The following ANKRD28 variants were observed in gnomAD, a reference collection of about 807,000 sequenced individuals.
The protein encoded by ANKRD28 is ankyrin repeat domain 28, also known as serine/threonine-protein phosphatase 6 regulatory ankyrin repeat subunit A.
In ANKRD28, 44 loss-of-function variants were observed where a neutral mutation model predicts 126.5. The observed-to-expected ratio is 0.35, with a 90% CI of 0.27 to 0.45. The LOEUF is 0.45. ANKRD28 is among the 20% of genes least tolerant of loss of function. The pLI, the probability that ANKRD28 is intolerant of heterozygous loss-of-function variation, is 1.00. For missense variants in ANKRD28, 1,110 were observed against 1,316.6 expected, an observed-to-expected ratio of 0.84 and a Z score of 2.43; for synonymous variants, 442 against 468.5, an observed-to-expected ratio of 0.94 and a Z score of 0.73.
intron 1 of ANKRD28, among the ~76,000 whole-genome samples, chr3:15,827,459 A>T (rs1445817867): frequency 6.6e-6 from 1 of 152,176 alleles, no homozygotes; most frequent in Non-Finnish European, 1.5e-5. Context: ...TCACTGCATT[A>T]ATTTTAGCCC....
In ANKRD28 at chr3:15,796,920, A is replaced by C. The variant is rs184693280; in HGVS notation, c.-399T>G. The C allele has an allele frequency of 1.3e-5, 13 of 986,018 alleles. No homozygotes were observed. The East Asian group carries it at 1.4e-3, about 103-fold the overall frequency. 61.1% of individuals were successfully genotyped at this position (986,018 alleles called of 1,614,324 possible). On this transcript the variant is annotated 5_prime_UTR_variant, in exon 1 of 28. An upstream open reading frame in the 5' UTR gains an earlier in-frame stop. Transcript: ENST00000683139. ...GTTTTTGGTGACACAACACCACACA[A>C]TATAGAATGAAATGAGAAACAACTG...
chr3:15,711,188 A>G, intron 12 of ANKRD28, 23 bp downstream of exon 12: 1 of 1,589,062 alleles, frequency 6.3e-7, no homozygotes, highest in Middle Eastern at 1.7e-4. Context: ...TTTCTTAAAG[A>G]AATAAAAATA....
At chr3:15,803,352 C>T (rs749947254) in intron 1 of ANKRD28, among the ~76,000 whole-genome samples, 45 of 152,226 alleles carry the variant, frequency 3.0e-4, no homozygotes, top group Non-Finnish European at 2.1e-4. Context: ...TGCACGGTGG[C>T]TCACACCTGT....
intron 14 of ANKRD28, among the ~76,000 whole-genome samples, chr3:15,706,138 T>C (rs1228219504): frequency 3.3e-5 from 5 of 151,976 alleles, no homozygotes; most frequent in Non-Finnish European, 4.4e-5. Flanking sequence ...CTGTGCACAA[T>C]ATGCAGGTTT....
At chr3:15,778,704 CACTT>C (rs2059408697) in intron 2 of ANKRD28, among the ~76,000 whole-genome samples, 1 of 152,190 alleles carries the variant, frequency 6.6e-6, no homozygotes, top group Admixed American at 6.5e-5. Flanking sequence ...TAGATAATCT[CACTT>C]ACCTAGAGTC....
chr3:15,776,330 T>C (rs575276367), intron 2 of ANKRD28, among the ~76,000 whole-genome samples: 1 of 152,162 alleles, frequency 6.6e-6, no homozygotes, highest in Non-Finnish European at 1.5e-5. Flanking sequence ...AGTTTACAAA[T>C]AGCTGCATCA....
rs2068084406 is a variant in ANKRD28 at position 15,686,020 on chromosome 3, C to T, written c.2151G>A (p.Arg717=). 1.2e-6 allele frequency: 2 copies of T among 1,613,562 alleles called. No individual in the cohort carries two copies. Among genetic ancestry groups the T allele is most frequent in the Non-Finnish European group, 1.7e-6 (2 of 1,179,748 alleles). The part of the protein sequence containing the change: ...ANVDAKDKWG[R]TALHRGAVTG... ...TGCTTACCCCTCTATGCAACGCTGTCCTTCCCCACTTATCTTTGGCATCTA... is the reference window on the plus strand; with the variant it reads ...TGCTTACCCCTCTATGCAACGCTGTTCTTCCCCACTTATCTTTGGCATCTA... The change falls in exon 20 of 28, where the codon AGG becomes AGA. Residue 717 remains arginine (R), a synonymous_variant. Coordinates refer to ENST00000683139, the MANE Select transcript of ANKRD28 (RefSeq NM_001349278.2).
chr3:15,777,597 TTTA>T (rs1316510001), intron 2 of ANKRD28, among the ~76,000 whole-genome samples: 1 of 152,092 alleles, frequency 6.6e-6, no homozygotes, highest in Non-Finnish European at 1.5e-5. Flanking sequence ...AAATGATGAG[TTTA>T]TTATCTTTTG....
At chr3:15,841,363 A>T (rs1008959159) in intron 1 of ANKRD28, among the ~76,000 whole-genome samples, 5 of 152,180 alleles carry the variant, frequency 3.3e-5, no homozygotes, top group Admixed American at 6.5e-5. Flanking sequence ...TCAAGTTAAA[A>T]AGCTTCTGCA....
At chr3:15,760,586 A>G (rs1484392071) in intron 3 of ANKRD28, among the ~76,000 whole-genome samples, 1 of 152,210 alleles carries the variant, frequency 6.6e-6, no homozygotes, top group Non-Finnish European at 1.5e-5. Context: ...AAACCATCCC[A>G]GAAAATAAGA....
intron 24 of ANKRD28, 137 bp downstream of exon 24, chr3:15,678,072 T>C (rs2067140312): frequency 1.2e-6 from 1 of 840,330 alleles, no homozygotes; most frequent in African/African-American, 1.7e-5. Flanking sequence ...AATGAAAATG[T>C]GGATTGCAAA....
chr3:15,675,974 A>T lies in ANKRD28; in HGVS notation c.2889T>A (p.Ala963=). ...NAALQTPLHV[A]ARNGLTMVVQ... The stretch of plus-strand genomic sequence containing the variant: ...CCACCATTGTTAGCCCATTTCGGGC[A>T]GCAACATGCAGAGGTCTAGGGGAAA... The change falls in exon 27 of 28, where the codon GCT becomes GCA. Residue 963 remains alanine (A), a synonymous_variant. Coordinates refer to ENST00000683139, the MANE Select transcript of ANKRD28 (RefSeq NM_001349278.2). 6.2e-7 allele frequency: 1 copy of T among 1,612,944 alleles called. No homozygotes were observed. Among genetic ancestry groups the T allele is most frequent in the South Asian group, 1.1e-5 (1 of 91,008 alleles).
intron 2 of ANKRD28, among the ~76,000 whole-genome samples, chr3:15,778,059 A>AT (rs372030621): frequency 7.9e-5 from 12 of 152,324 alleles, no homozygotes; most frequent in African/African-American, 2.6e-4. Context: ...CGTATCATAC[A>AT]TAAGTATCTT....
rs951808632 is a variant in ANKRD28 at position 15,669,363 on chromosome 3, C to G, written c.*907G>C. 4.6e-5 allele frequency: 7 copies of G among 152,152 alleles called. No homozygotes were observed. Among genetic ancestry groups the G allele is most frequent in the African/African-American group, 1.7e-4 (7 of 41,448 alleles). The allele number at this position is 152,152 out of a possible 1,614,324, so 9.4% of individuals were successfully genotyped here. ...GACTCCATGCCCCAGGACCACTTAGCTGCAATAGGGTGAAATAGTCTACTT... is the reference window on the plus strand; with the variant it reads ...GACTCCATGCCCCAGGACCACTTAGGTGCAATAGGGTGAAATAGTCTACTT... On this transcript the variant is annotated 3_prime_UTR_variant, in exon 28 of 28. Coordinates refer to ENST00000683139, the MANE Select transcript of ANKRD28 (RefSeq NM_001349278.2).
chr3:15,736,289 T>C (rs1241065770), intron 5 of ANKRD28, among the ~76,000 whole-genome samples: 1 of 152,224 alleles, frequency 6.6e-6, no homozygotes, highest in Non-Finnish European at 1.5e-5. Context: ...ATCATCGGTA[T>C]GTATAGGAAA....
chr3:15,736,734 GAAC>G (rs1289945174), intron 5 of ANKRD28, among the ~76,000 whole-genome samples: 1 of 152,188 alleles, frequency 6.6e-6, no homozygotes, highest in Non-Finnish European at 1.5e-5. Flanking sequence ...ACTTCTGGAA[GAAC>G]AATAACATAT....
chr3:15,680,742 T>C (rs926558223), intron 21 of ANKRD28, among the ~76,000 whole-genome samples: 36 of 152,182 alleles, frequency 2.4e-4, no homozygotes, highest in Admixed American at 1.6e-3. Context: ...CATGACTCTC[T>C]GCAGTCTCAA....
Position 15,845,622 on chromosome 3 carries a change from A to G in ANKRD28, c.27+13755T>C, listed in dbSNP as rs1042020115. On this transcript the variant is annotated intron_variant, in intron 1 of 27. Coordinates refer to the ANKRD28 transcript ENST00000399451. This position sits in a 1 kb window ranked among gnomAD's most constrained non-coding sequence, Gnocchi z 4.9. ...CTCACTCTGATGCTGAAGTCTGCTT[A>G]TACATCCTTTAAAAGCCAGCTGTTG... is the stretch of plus-strand genomic sequence containing the variant. Among the ~76,000 whole-genome samples, 1 of 152,200 alleles carries G rather than the reference A, an allele frequency of 6.6e-6. No individual in the cohort carries two copies. Among genetic ancestry groups the G allele is most frequent in the African/African-American group, 2.4e-5 (1 of 41,454 alleles).
intron 9 of ANKRD28, 39 bp from the exon 10 acceptor site, chr3:15,713,680 A>T (rs762663137): frequency 7.3e-7 from 1 of 1,373,952 alleles, no homozygotes; most frequent in Admixed American, 2.2e-5. Flanking sequence ...TGGACCATAT[A>T]AAGATCAGGT....
Sources: gnomAD v4.1 joint callset for allele counts (sites outside exome capture counted in the v4.1 genomes callset) on GRCh38, gnomAD v4.1.1 for gene constraint, Gnocchi (gnomAD v3.1) non-coding constraint, MANE v1.5 for transcripts, NCBI Gene and HGNC (gene_info 2026-07-23, HGNC 2026-07-21) for gene names.